The following ALKBH8 variants were observed in gnomAD, a reference collection of about 807,000 sequenced individuals.
ALKBH8 encodes alkB homolog 8, tRNA methyltransferase, also known as tRNA (carboxymethyluridine(34)-5-O)-methyltransferase ALKBH8.
A neutral mutation model predicts 59.8 loss-of-function variants in ALKBH8; 36 were observed. The ratio of observed to expected loss-of-function variants is 0.60; its 90% CI spans 0.46 to 0.79. The LOEUF (loss-of-function observed/expected upper bound fraction) is 0.79. Among genes scored for constraint, ALKBH8 ranks in the 30% least tolerant of loss-of-function variants. The pLI is 0.00. For synonymous variants in ALKBH8, 276 were observed against 273.6 expected, an observed-to-expected ratio of 1.01 and a Z score of -0.09; for missense variants, 768 against 801.0, an observed-to-expected ratio of 0.96 and a Z score of 0.50.
chr11:107,548,938 C>G (rs1007981625), intron 7 of ALKBH8, among the ~76,000 whole-genome samples: 1 of 151,912 alleles, frequency 6.6e-6, no homozygotes, highest in Non-Finnish European at 1.5e-5. Context: ...GCAACCTCTG[C>G]CTCCCAGGTT....
chr11:107,539,537 T>C (rs1025207978), intron 7 of ALKBH8, among the ~76,000 whole-genome samples: 2 of 151,670 alleles, frequency 1.3e-5, no homozygotes, highest in African/African-American at 4.8e-5. Context: ...AAGTGGAAGT[T>C]GCAGTGAGCC....
At chr11:107,543,132 T>C (rs1399500103) in intron 7 of ALKBH8, among the ~76,000 whole-genome samples, 1 of 151,548 alleles carries the variant, frequency 6.6e-6, no homozygotes, top group Admixed American at 6.6e-5. Context: ...AGGTCAGGAG[T>C]TCAAGACCAG....
At chr11:107,547,479 G>T (rs1313599856) in intron 7 of ALKBH8, among the ~76,000 whole-genome samples, 4 of 152,150 alleles carry the variant, frequency 2.6e-5, no homozygotes, top group African/African-American at 9.7e-5. Flanking sequence ...TACACGCATG[G>T]ATTACTCTGA....
At chr11:107,507,974 T>G (rs1157146950) in intron 11 of ALKBH8, among the ~76,000 whole-genome samples, 1 of 152,164 alleles carries the variant, frequency 6.6e-6, no homozygotes, top group Non-Finnish European at 1.5e-5. Context: ...TCCCATGTGT[T>G]AGACCTTTCA....
At position 107,521,485 on chromosome 11, in the gene ALKBH8, A is replaced by T. The variant is rs1382389669; in HGVS notation, c.1287+814T>A. On this transcript the variant is annotated intron_variant, in intron 10 of 11. Coordinates refer to ENST00000428149, the MANE Select transcript of ALKBH8 (RefSeq NM_138775.3). ...ATGAGAAGTAATCTGACATACTCCA[A>T]CAACCCAGGAATGTCAGCTGCTCTC... 7.2e-5 allele frequency among the ~76,000 whole-genome samples: 11 copies of T among 152,284 alleles called. No homozygotes were observed. The East Asian group carries it at 2.1e-3, about 29-fold the overall frequency.
At chr11:107,547,968 G>A (rs967977409) in intron 7 of ALKBH8, among the ~76,000 whole-genome samples, 7 of 152,250 alleles carry the variant, frequency 4.6e-5, no homozygotes, top group East Asian at 1.9e-4. Context: ...CTTCTAGGGC[G>A]CTGGGGGGGA....
At chr11:107,515,608 C>T (rs550325272) in intron 10 of ALKBH8, among the ~76,000 whole-genome samples, 4 of 152,272 alleles carry the variant, frequency 2.6e-5, no homozygotes, top group African/African-American at 7.2e-5. Flanking sequence ...CTTCCCACCT[C>T]GGCCTCTCAA....
Position 107,556,871 on chromosome 11 carries a change from T to C in ALKBH8, c.262A>G (p.Arg88Gly). 6.2e-7 allele frequency: 1 copy of C among 1,609,142 alleles called. No individual in the cohort carries two copies. The highest frequency in any genetic ancestry group is 8.5e-7 in the Non-Finnish European group (1 of 1,177,642). The change falls in exon 3 of 12, where the codon AGA (arginine) becomes GGA (glycine). Residue 88 changes from arginine (R) to glycine (G), a missense_variant. Coordinates refer to ENST00000428149, the MANE Select transcript of ALKBH8 (RefSeq NM_138775.3). ...PNKPYSFARY[R>G]TTEESKRAYV... ...GCTCTCTTAGATTCTTCTGTAGTTC[T>C]GTATCTTGCAAATGAGTACGGCTTG... is the stretch of plus-strand genomic sequence containing the variant.
At chr11:107,547,670 A>AGAG (rs1383593609) in intron 7 of ALKBH8, among the ~76,000 whole-genome samples, 2 of 151,950 alleles carry the variant, frequency 1.3e-5, no homozygotes, top group Non-Finnish European at 2.9e-5. Flanking sequence ...AAGGGTTTTA[A>AGAG]GAATATGTTC....
intron 10 of ALKBH8, among the ~76,000 whole-genome samples, chr11:107,514,521 A>G (rs534009643): frequency 9.8e-5 from 15 of 152,330 alleles, no homozygotes; most frequent in African/African-American, 3.6e-4. Flanking sequence ...AAAAGTACTA[A>G]GGGCCTATTA....
intron 11 of ALKBH8, among the ~76,000 whole-genome samples, chr11:107,507,215 T>A (rs148252475): frequency 1.9e-4 from 29 of 152,272 alleles, no homozygotes; most frequent in Non-Finnish European, 3.1e-4. Context: ...ATATTTCCAG[T>A]TCCACAGCTC....
At chr11:107,530,557 C>A (rs971955719) in intron 8 of ALKBH8, among the ~76,000 whole-genome samples, 1 of 136,426 alleles carries the variant, frequency 7.3e-6, no homozygotes, top group South Asian at 2.8e-4. Context: ...CTTTGCCTCC[C>A]TCCCTCCCTC....
At chr11:107,530,591 T>C (rs997093358) in intron 8 of ALKBH8, among the ~76,000 whole-genome samples, 2 of 132,118 alleles carry the variant, frequency 1.5e-5, no homozygotes, top group African/African-American at 5.8e-5. Context: ...CCCATCTCTC[T>C]CTCTTCCTAA....
intron 7 of ALKBH8, among the ~76,000 whole-genome samples, chr11:107,545,745 T>C (rs1026483206): frequency 6.6e-6 from 1 of 152,218 alleles, no homozygotes; most frequent in Non-Finnish European, 1.5e-5. Context: ...TTTCAGTGAA[T>C]GTTGATTATA....
intron 7 of ALKBH8, among the ~76,000 whole-genome samples, chr11:107,539,980 G>C (rs989461073): frequency 1.5e-4 from 23 of 152,184 alleles, no homozygotes; most frequent in African/African-American, 5.1e-4. Context: ...ATGAGCACAG[G>C]ATGGTGCCCT....
At chr11:107,515,273 T>TA (rs1260817973) in intron 10 of ALKBH8, among the ~76,000 whole-genome samples, 3 of 152,206 alleles carry the variant, frequency 2.0e-5, no homozygotes, top group Admixed American at 1.3e-4. Flanking sequence ...AAAACCCACA[T>TA]ATATTCAAGG....
chr11:107,540,163 T>C (rs1863979140), intron 7 of ALKBH8, among the ~76,000 whole-genome samples: 2 of 152,214 alleles, frequency 1.3e-5, no homozygotes, highest in Non-Finnish European at 2.9e-5. Flanking sequence ...ATTTAGGGTA[T>C]ATACATCTGG....
intron 10 of ALKBH8, among the ~76,000 whole-genome samples, chr11:107,515,256 C>T (rs1413602733): frequency 6.6e-6 from 1 of 152,200 alleles, no homozygotes; most frequent in African/African-American, 2.4e-5. Context: ...CAGAAAATGG[C>T]TTGATAAAAA....
intron 11 of ALKBH8, 91 bp from the exon 12 acceptor site, chr11:107,505,306 G>T: frequency 1.1e-6 from 1 of 894,362 alleles, no homozygotes; most frequent in Non-Finnish European, 1.6e-6. Context: ...CAATTAGGAT[G>T]AACAATAAGA....
Sources: allele counts gnomAD v4.1 joint callset (sites outside exome capture counted in the v4.1 genomes callset), GRCh38; gene constraint gnomAD v4.1.1; transcripts MANE v1.5; gene names NCBI Gene and HGNC (gene_info 2026-07-23, HGNC 2026-07-21).